CASP10: variants seen among roughly 807,000 people sequenced by gnomAD.
CASP10 encodes caspase-10.
CASP10 carries 41 observed loss-of-function variants against 48.5 expected under a neutral mutation model. That is an observed-to-expected ratio of 0.85 (90% confidence interval 0.66 to 1.10). The LOEUF is 1.10. Ranked by LOEUF, CASP10 falls within the 50% of genes least tolerant of loss-of-function variation. The pLI is 0.00. For missense variants in CASP10, 614 were observed against 614.5 expected (o/e 1.00, Z 0.01); for synonymous variants, 232 against 238.4 (o/e 0.97, Z 0.25).
chr2:201,227,370 A>G (rs1945801610), intron 9 of CASP10, among the ~76,000 whole-genome samples: 1 of 152,062 alleles, frequency 6.6e-6, no homozygotes, highest in South Asian at 2.1e-4. Context: ...GCTGTAATTA[A>G]TATGATCAGT....
intron 8 of CASP10, 25 bp from the exon 9 acceptor site, chr2:201,209,045 T>G: frequency 6.5e-7 from 1 of 1,548,564 alleles, no homozygotes; most frequent in Non-Finnish European, 8.8e-7. Context: ...CTCTCTCTTT[T>G]TTTTTTTTTT....
chr2:201,189,613 G>A (rs752541729), intron 3 of CASP10, among the ~76,000 whole-genome samples: 3 of 152,034 alleles, frequency 2.0e-5, no homozygotes, highest in African/African-American at 7.2e-5. Flanking sequence ...TTCTCTGAAG[G>A]TGACCCATTA....
chr2:201,188,981 C>T (rs1944512377), intron 3 of CASP10, among the ~76,000 whole-genome samples: 1 of 151,900 alleles, frequency 6.6e-6, no homozygotes, highest in Non-Finnish European at 1.5e-5. Context: ...AGCGATTCTC[C>T]TGCCTCAGCC....
chr2:201,210,096 A>G (rs879760144), intron 9 of CASP10, among the ~76,000 whole-genome samples: 1 of 152,244 alleles, frequency 6.6e-6, no homozygotes, highest in African/African-American at 2.4e-5. Flanking sequence ...GAATAGCATG[A>G]ACAAAAGCAT....
At chr2:201,223,208 A>T (rs1945746845), downstream of CASP10, among the ~76,000 whole-genome samples, 1 of 152,180 alleles carries the variant, frequency 6.6e-6, no homozygotes, top group Non-Finnish European at 1.5e-5. Context: ...TGTAGTGTGG[A>T]TGGGCGTCTG....
intron 3 of CASP10, among the ~76,000 whole-genome samples, chr2:201,191,839 A>G (rs921618652): frequency 6.6e-6 from 1 of 152,204 alleles, no homozygotes; most frequent in African/African-American, 2.4e-5. Flanking sequence ...CACAGCAATC[A>G]GCATACAACA....
At chr2:201,215,574 A>C (rs1945544588) in intron 9 of CASP10, among the ~76,000 whole-genome samples, 1 of 151,926 alleles carries the variant, frequency 6.6e-6, no homozygotes, top group Admixed American at 6.6e-5. Flanking sequence ...AGGTGTGTGA[A>C]TTTATTTCTG....
rs111919002 is a variant in CASP10, at chr2:201,228,967, AG to A, written c.1454del (p.Gly485AlafsTer79). 42 of 1,614,192 alleles carry A rather than the reference AG, an allele frequency of 2.6e-5. No individual in the cohort carries two copies. Among genetic ancestry groups the A allele is most frequent in the African/African-American group, 2.3e-4 (17 of 75,050 alleles). ...ATTTCTGGAAAAGACAATGGAAATC[AG>A]GGGCAGGAAGAGAACAGTGTGGGGT... is the stretch of plus-strand genomic sequence containing the variant. On this transcript the variant is annotated frameshift_variant, in exon 10 of 10. Coordinates refer to the CASP10 transcript ENST00000272879. LOFTEE classifies it low-confidence loss of function (END_TRUNC).
intron 9 of CASP10, among the ~76,000 whole-genome samples, chr2:201,228,572 G>A (rs1450435808): frequency 6.6e-6 from 1 of 152,168 alleles, no homozygotes; most frequent in Non-Finnish European, 1.5e-5. Context: ...TGAGAGTGAT[G>A]GAGAGGTGTT....
At chr2:201,192,644 C>T (rs530236550) in intron 3 of CASP10, among the ~76,000 whole-genome samples, 26 of 152,128 alleles carry the variant, frequency 1.7e-4, no homozygotes, top group African/African-American at 4.3e-4. Context: ...TTGTGACCTT[C>T]GGCAAGTTAC....
At chr2:201,216,207 TA>T (rs1365268781) in intron 9 of CASP10, among the ~76,000 whole-genome samples, 3 of 150,852 alleles carry the variant, frequency 2.0e-5, no homozygotes, top group Non-Finnish European at 4.4e-5. Context: ...ATATTTAAAT[TA>T]ATAAGAAAAA....
intron 3 of CASP10, 66 bp from the exon 4 acceptor site, chr2:201,192,918 A>G: frequency 1.3e-6 from 2 of 1,529,726 alleles, no homozygotes; most frequent in East Asian, 2.3e-5. Flanking sequence ...CTGGCCATGC[A>G]GATAACATTT....
intron 3 of CASP10, among the ~76,000 whole-genome samples, chr2:201,192,306 A>G (rs959733045): frequency 6.6e-6 from 1 of 152,114 alleles, no homozygotes; most frequent in African/African-American, 2.4e-5. Context: ...AGGCAGGAGA[A>G]TGGCTTGAAT....
Position 201,219,534 on chromosome 2 carries a change from C to T in CASP10, c.*1793C>T. 2.0e-6 allele frequency: 2 copies of T among 985,382 alleles called. No individual in the cohort carries two copies. The highest frequency in any genetic ancestry group is 2.4e-6 in the Non-Finnish European group (2 of 829,954). 61.0% of individuals were successfully genotyped at this position (985,382 alleles called of 1,614,324 possible). Reference sequence around the variant, plus strand: ...CTTGTTACTGCTACTACACTTTGCTCCTCTGGCCCAAGGCATGAGGAGAGA... The same window carrying T: ...CTTGTTACTGCTACTACACTTTGCTTCTCTGGCCCAAGGCATGAGGAGAGA... On this transcript the variant is annotated 3_prime_UTR_variant, in exon 10 of 10. Transcript: ENST00000286186.
chr2:201,193,483 T>C (rs1347959636), intron 4 of CASP10: 1 of 316,340 alleles, frequency 3.2e-6, no homozygotes, highest in Non-Finnish European at 6.2e-6. Context: ...GCTGGGATTA[T>C]AGGTGTAAGC....
intron 2 of CASP10, 59 bp downstream of exon 2, chr2:201,186,183 A>G: frequency 7.7e-7 from 1 of 1,304,126 alleles, no homozygotes; most frequent in Admixed American, 1.8e-5. Flanking sequence ...CATTCTGGCC[A>G]TTGGGCTTTG....
downstream of CASP10, among the ~76,000 whole-genome samples, chr2:201,224,990 G>T (rs1242828565): frequency 6.6e-6 from 1 of 151,842 alleles, no homozygotes; most frequent in Non-Finnish European, 1.5e-5. Context: ...TATCCTCCAT[G>T]TCCCCCCAAT....
At position 201,218,072 on chromosome 2, in the gene CASP10, C is replaced by T; in HGVS notation, c.*331C>T. The T allele has an allele frequency of 2.8e-6, 2 of 716,904 alleles. No homozygotes were observed. Among genetic ancestry groups the T allele is most frequent in the Non-Finnish European group, 3.8e-6 (2 of 527,236 alleles). The allele number at this position is 716,904 out of a possible 1,614,324, so 44.4% of individuals were successfully genotyped here. A position where few individuals can be genotyped will look rare whatever the true frequency, so the allele number is the denominator to read the frequency against. ...GGGACCACAGGTGTGTACCACCGTG[C>T]CCGGATTTTTTTTATTCTTTATTTT... On this transcript the variant is annotated 3_prime_UTR_variant, in exon 10 of 10. Transcript: ENST00000286186.
Position 201,219,832 on chromosome 2 carries a change from T to C in CASP10, c.*2091T>C. 1 of 985,114 alleles carries C rather than the reference T, an allele frequency of 1.0e-6. No individual in the cohort carries two copies. Among genetic ancestry groups the C allele is most frequent in the Non-Finnish European group, 1.2e-6 (1 of 829,700 alleles). 61.0% of individuals were successfully genotyped at this position (985,114 alleles called of 1,614,324 possible). On this transcript the variant is annotated 3_prime_UTR_variant, in exon 10 of 10. Transcript: ENST00000286186. ...AAGTCCTGTGGTTAACGCCTTCATT[T>C]ATAGATGAGGCAGCTGAGGCCTGGG...
Sources: allele counts gnomAD v4.1 joint callset (sites outside exome capture counted in the v4.1 genomes callset), GRCh38; gene constraint gnomAD v4.1.1; transcripts MANE v1.5; gene names NCBI Gene and HGNC (gene_info 2026-07-23, HGNC 2026-07-21).